Variants in PDE5A observed in about 807,000 individuals in gnomAD.
The protein encoded by PDE5A is cGMP-specific 3',5'-cyclic phosphodiesterase.
PDE5A carries 67 observed loss-of-function variants against 110.2 expected under a neutral mutation model. The ratio of observed to expected loss-of-function variants is 0.61; its 90% CI spans 0.50 to 0.75. The LOEUF (loss-of-function observed/expected upper bound fraction) is 0.75, where lower values mean the gene tolerates loss of function less well. Ranked by LOEUF, PDE5A falls within the 30% of genes least tolerant of loss-of-function variation. The pLI is 0.00. For missense variants in PDE5A, 862 were observed against 1,045.1 expected, an observed-to-expected ratio of 0.82 and a Z score of 2.42; for synonymous variants, 328 against 351.2, an observed-to-expected ratio of 0.93 and a Z score of 0.74.
intron 3 of PDE5A, among the ~76,000 whole-genome samples, chr4:119,585,205 A>G (rs9884862): frequency 0.98 from 147,968 of 151,422 alleles, 72,386 homozygotes; most frequent in East Asian, 1. Flanking sequence ...AACCCGGGAG[A>G]TGGGGGTTGC....
At chr4:119,516,855 G>A (rs1361798356) in intron 14 of PDE5A, among the ~76,000 whole-genome samples, 2 of 152,098 alleles carry the variant, frequency 1.3e-5, no homozygotes, top group African/African-American at 2.4e-5. Flanking sequence ...TCCTGACCTC[G>A]TGATCCACCT....
intron 10 of PDE5A, among the ~76,000 whole-genome samples, chr4:119,539,507 C>T (rs9307478): frequency 0.015 from 2,280 of 152,120 alleles, 60 homozygotes; most frequent in African/African-American, 0.052. Flanking sequence ...AGAATTCACA[C>T]AGAAAAACTG....
chr4:119,511,095 G>C lies in PDE5A; in HGVS notation c.2040C>G (p.Ile680Met). Residue 680 changes from isoleucine to methionine, a missense_variant, in exon 15 of 21, where the codon ATC becomes ATG. Physicochemically the swap from Ile to Met is conservative, Grantham distance 10. Transcript: ENST00000354960. ...HPLAQLYCHS[I>M]MEHHHFDQCL... ...ACTGGTCAAAATGATGGTGTTCCAT[G>C]ATTGAATGGCAGTAAAGCTGGGCAA... 1 of 1,610,648 alleles carries C rather than the reference G, an allele frequency of 6.2e-7. No individual in the cohort carries two copies. Among genetic ancestry groups the C allele is most frequent in the African/African-American group, 1.3e-5 (1 of 74,924 alleles).
chr4:119,598,637 A>ATT, intron 2 of PDE5A, among the ~76,000 whole-genome samples: 1 of 152,210 alleles, frequency 6.6e-6, no homozygotes, highest in Admixed American at 6.5e-5. Context: ...GACAAAATAC[A>ATT]AGACAACAAA....
chr4:119,611,448 T>C (rs2110554254), intron 1 of PDE5A, among the ~76,000 whole-genome samples: 1 of 151,368 alleles, frequency 6.6e-6, no homozygotes, highest in Non-Finnish European at 1.5e-5. Flanking sequence ...TAAATGCTGG[T>C]GTGTTTATTA....
chr4:119,504,465 T>A (rs1270432077), intron 18 of PDE5A, 71 bp downstream of exon 18: 39 of 1,135,288 alleles, frequency 3.4e-5, no homozygotes, highest in Non-Finnish European at 5.2e-5. Flanking sequence ...GGTAGATACC[T>A]AGTAGTGGGA....
chr4:119,564,178 TAATA>T (rs1269164282), intron 5 of PDE5A, among the ~76,000 whole-genome samples: 1 of 151,948 alleles, frequency 6.6e-6, no homozygotes, highest in African/African-American at 2.4e-5. Context: ...ATATTGTAGA[TAATA>T]AATATAGCTA....
chr4:119,560,315 A>T lies in PDE5A; in HGVS notation c.1180T>A (p.Ser394Thr). ...FHMECEELEK[S>T]SDTLTREHDA... ...TTTTACCTTGTTAATGTATCAGATG[A>T]TTTTTCTAATTCCTCACACTCCATG... Residue 394 changes from serine to threonine, a missense_variant, in exon 7 of 21, where the codon TCA becomes ACA. Ser to Thr is a moderately conservative substitution (Grantham distance 58, BLOSUM62 1). Transcript: ENST00000354960. 1 of 1,587,356 alleles carries T rather than the reference A, an allele frequency of 6.3e-7. No homozygotes were observed. Among genetic ancestry groups the T allele is most frequent in the African/African-American group, 1.3e-5 (1 of 74,326 alleles).
intron 12 of PDE5A, among the ~76,000 whole-genome samples, chr4:119,522,630 T>G (rs537022448): frequency 6.6e-6 from 1 of 152,194 alleles, no homozygotes; most frequent in Non-Finnish European, 1.5e-5. Context: ...CCTAATGGAC[T>G]ACTCTATTTT....
intron 3 of PDE5A, among the ~76,000 whole-genome samples, chr4:119,591,178 T>C (rs970416423): frequency 4.6e-5 from 7 of 152,230 alleles, no homozygotes; most frequent in Non-Finnish European, 8.8e-5. Context: ...TAGCTGATTA[T>C]TATGTGGCTA....
intron 1 of PDE5A, among the ~76,000 whole-genome samples, chr4:119,610,264 G>C (rs567900902): frequency 6.6e-6 from 1 of 152,268 alleles, no homozygotes; most frequent in Non-Finnish European, 1.5e-5. Flanking sequence ...CAAAGACACT[G>C]ATGCTAAAAA....
At chr4:119,542,017 T>C (rs1290923622) in intron 10 of PDE5A, 1 of 153,134 alleles carries the variant, frequency 6.5e-6, no homozygotes, top group African/African-American at 2.4e-5. Flanking sequence ...TTTTTTCTTT[T>C]CCTCACTTCT....
chr4:119,510,911 T>G, intron 15 of PDE5A, 136 bp downstream of exon 15: 1 of 564,556 alleles, frequency 1.8e-6, no homozygotes. Context: ...ATGTTTTGGC[T>G]TCGCCTTCCT....
chr4:119,519,321 C>T, intron 13 of PDE5A, 182 bp from the exon 14 acceptor site: 1 of 516,300 alleles, frequency 1.9e-6, no homozygotes, highest in Non-Finnish European at 3.5e-6. Context: ...CTTTGTCATT[C>T]AGAATGGGAT....
chr4:119,560,679 C>T (rs887016596), intron 6 of PDE5A, among the ~76,000 whole-genome samples: 9 of 152,074 alleles, frequency 5.9e-5, no homozygotes, highest in African/African-American at 2.2e-4. Flanking sequence ...ATTGAAAATT[C>T]TCAAGTTTTG....
At chr4:119,529,614 A>G (rs763094752) in intron 11 of PDE5A, among the ~76,000 whole-genome samples, 1 of 152,156 alleles carries the variant, frequency 6.6e-6, no homozygotes, top group Non-Finnish European at 1.5e-5. Flanking sequence ...ACTCTGGCCT[A>G]TGTATGTAGA....
intron 11 of PDE5A, among the ~76,000 whole-genome samples, chr4:119,534,517 A>G (rs950386089): frequency 6.6e-6 from 1 of 152,034 alleles, no homozygotes; most frequent in African/African-American, 2.4e-5. Flanking sequence ...CCGCCCCCCA[A>G]CCCAACCCCT....
intron 15 of PDE5A, among the ~76,000 whole-genome samples, chr4:119,509,610 T>C (rs1356506639): frequency 1.3e-5 from 2 of 151,994 alleles, no homozygotes; most frequent in Non-Finnish European, 2.9e-5. Context: ...AGAGAAGTCG[T>C]GTATGAAATG....
chr4:119,510,664 G>A (rs1473643647), intron 15 of PDE5A, among the ~76,000 whole-genome samples: 1 of 152,026 alleles, frequency 6.6e-6, no homozygotes, highest in Admixed American at 6.6e-5. Flanking sequence ...CTTAGTGACT[G>A]GAAGTTTCAA....
Sources: allele counts gnomAD v4.1 joint callset (sites outside exome capture counted in the v4.1 genomes callset), GRCh38; gene constraint gnomAD v4.1.1; transcripts MANE v1.5; gene names NCBI Gene and HGNC (gene_info 2026-07-23, HGNC 2026-07-21).